The following ITPR2 variants were observed in gnomAD, a reference collection of about 807,000 sequenced individuals.
ITPR2 encodes inositol 1,4,5-trisphosphate receptor type 2.
ITPR2 carries 207 observed loss-of-function variants against 317.1 expected under a neutral mutation model. The ratio of observed to expected loss-of-function variants is 0.65; its 90% CI spans 0.58 to 0.73. The LOEUF (loss-of-function observed/expected upper bound fraction) is 0.73, where lower values mean the gene tolerates loss of function less well. Ranked by LOEUF, ITPR2 falls within the 30% of genes least tolerant of loss-of-function variation. The pLI is 0.00. For missense variants in ITPR2, 2,613 were observed against 3,284.0 expected (o/e 0.80, Z 4.99); for synonymous variants, 1,156 against 1,149.1 (o/e 1.01, Z -0.12).
At position 26,584,900 on chromosome 12, in the gene ITPR2, G is replaced by A. The variant is rs143901312; in HGVS notation, c.4381-4745C>T. 6.9e-4 allele frequency among the ~76,000 whole-genome samples: 105 copies of A among 152,236 alleles called. No homozygotes were observed. In the South Asian group the frequency reaches 7.7e-3, roughly 11 times the overall value. On this transcript the variant is annotated intron_variant, in intron 32 of 56. Coordinates refer to ENST00000381340, the MANE Select transcript of ITPR2 (RefSeq NM_002223.4). The stretch of plus-strand genomic sequence containing the variant: ...AAATGTTCCTCTAAATATCTGAGGT[G>A]ATATCTCATATTTATTTTAATTTGC...
chr12:26,749,491 C>T (rs1020722315), intron 2 of ITPR2, among the ~76,000 whole-genome samples: 1 of 152,062 alleles, frequency 6.6e-6, no homozygotes, highest in African/African-American at 2.4e-5. Flanking sequence ...ACCACCAGCT[C>T]CTGATTCTAA....
intron 49 of ITPR2, 77 bp from the exon 50 acceptor site, chr12:26,419,290 T>A: frequency 1.5e-6 from 2 of 1,294,994 alleles, no homozygotes; most frequent in Non-Finnish European, 2.1e-6. Context: ...CTATTCATAG[T>A]CCATGACTTT....
In ITPR2 at chr12:26,782,025, TATATATATGTATAGAGAGAGAGAG is replaced by T. The variant is rs1378740413; in HGVS notation, c.163+8108_163+8131del. 4.7e-3 allele frequency among the ~76,000 whole-genome samples: 128 copies of T among 27,370 alleles called. 2 individuals carry two copies. The highest frequency in any genetic ancestry group is 1.1e-3 in the Non-Finnish European group (14 of 13,032). The allele number at this position is 27,370 out of a possible 152,430, so 18.0% of individuals were successfully genotyped here. A position where few individuals can be genotyped will look rare whatever the true frequency, so the allele number is the denominator to read the frequency against. The stretch of plus-strand genomic sequence containing the variant: ...ATATATATATATATATATATATATA[TATATATATGTATAGAGAGAGAGAG>T]AGAGAGAGAGAGAGAGAGAGAGAGC... On this transcript the variant is annotated intron_variant, in intron 2 of 56. Transcript: ENST00000381340.
chr12:26,746,819 T>C (rs560362535), intron 2 of ITPR2, among the ~76,000 whole-genome samples: 2 of 107,880 alleles, frequency 1.9e-5, no homozygotes, highest in African/African-American at 5.6e-5. Flanking sequence ...CAGGGGTGCA[T>C]GCATGTGTGT....
intron 55 of ITPR2, among the ~76,000 whole-genome samples, chr12:26,359,363 G>A (rs1938749177): frequency 6.6e-6 from 1 of 152,168 alleles, no homozygotes; most frequent in Non-Finnish European, 1.5e-5. Context: ...ATCCAAATGA[G>A]AGGATGCTCA....
At chr12:26,681,374 G>A (rs1948026716) in intron 13 of ITPR2, among the ~76,000 whole-genome samples, 1 of 152,090 alleles carries the variant, frequency 6.6e-6, no homozygotes, top group Non-Finnish European at 1.5e-5. Flanking sequence ...AACCAGAGCT[G>A]AAGAATCAAG....
intron 47 of ITPR2, 51 bp from the exon 48 acceptor site, chr12:26,436,397 T>A (rs781301885): frequency 6.5e-7 from 1 of 1,540,620 alleles, no homozygotes; most frequent in East Asian, 2.4e-5. Context: ...CATTTTGGTT[T>A]CAACACATGA....
chr12:26,775,311 A>T (rs575359380), intron 2 of ITPR2, among the ~76,000 whole-genome samples: 9 of 149,802 alleles, frequency 6.0e-5, no homozygotes, highest in East Asian at 1.9e-4. Flanking sequence ...GTTAAGATTT[A>T]AAAAAAAAAG....
At chr12:26,768,456 TA>T (rs141419329) in intron 2 of ITPR2, among the ~76,000 whole-genome samples, 1 of 106,472 alleles carries the variant, frequency 9.4e-6, no homozygotes, top group South Asian at 3.0e-4. Flanking sequence ...AAATAAAAAA[TA>T]AAAAAATAAA....
chr12:26,667,652 C>G lies in ITPR2; in HGVS notation c.1410-1601G>C, dbSNP rs375505488. ...AAATTTGGAGCGGAGGTTACTTCAG[C>G]AAAATGAAAAAAAGTTGAACTTAAG... is the stretch of plus-strand genomic sequence containing the variant. On this transcript the variant is annotated intron_variant, in intron 13 of 56. Transcript: ENST00000381340. Among the ~76,000 whole-genome samples the G allele has an allele frequency of 8.5e-5, 13 of 152,200 alleles. 1 individual carries two copies. The highest frequency in any genetic ancestry group is 2.9e-4 in the African/African-American group (12 of 41,532).
Position 26,715,356 on chromosome 12 carries a change from C to G in ITPR2, c.798G>C (p.Thr266=). 2 of 1,613,548 alleles carry G rather than the reference C, an allele frequency of 1.2e-6. No individual in the cohort carries two copies. Among genetic ancestry groups the G allele is most frequent in the Non-Finnish European group, 1.7e-6 (2 of 1,179,692 alleles). Residue 266 remains threonine (T), a synonymous_variant, in exon 8 of 57, where the codon ACG becomes ACC. Transcript: ENST00000381340. The part of the protein sequence containing the change: ...YEKKQHIFLR[T]TLRQSATSAT... ...CAGAAGTAGCTGATTGGCGCAAGGT[C>G]GTACGAAGGAAAATGTGCTGTTTTT... is the stretch of plus-strand genomic sequence containing the variant.
chr12:26,541,623 G>A (rs1034972651), intron 37 of ITPR2, among the ~76,000 whole-genome samples: 1 of 152,144 alleles, frequency 6.6e-6, no homozygotes, highest in Non-Finnish European at 1.5e-5. Context: ...AAACTGAAAT[G>A]AGTATATGCA....
At chr12:26,484,010 C>T (rs375748108) in intron 41 of ITPR2, 112 bp from the exon 42 acceptor site, 142 of 916,108 alleles carry the variant, frequency 1.6e-4, no homozygotes, top group South Asian at 1.5e-3. Flanking sequence ...GAAAAGTATT[C>T]GCATTTATTA....
At chr12:26,620,476 T>A (rs1265092294) in intron 26 of ITPR2, among the ~76,000 whole-genome samples, 7 of 152,236 alleles carry the variant, frequency 4.6e-5, no homozygotes, top group Non-Finnish European at 1.0e-4. Context: ...ACAAAACTTT[T>A]TGTATTAACA....
chr12:26,655,751 G>A lies in ITPR2; in HGVS notation c.2546C>T (p.Pro849Leu). The change falls in exon 20 of 57, where the codon CCC becomes CTC. Residue 849 changes from proline to leucine, a missense_variant. Around this residue, in one of 9 missense-constraint regions of ITPR2, gnomAD observed 817 missense variants for 897.6 expected, o/e 0.91. Coordinates refer to ENST00000381340, the MANE Select transcript of ITPR2 (RefSeq NM_002223.4). Reference protein sequence around the residue: ...EEYLKEVVNQPFPFGDKEKNK... With the variant: ...EEYLKEVVNQLFPFGDKEKNK... ...TTTTTCTTTATCCCCAAAAGGAAAG[G>A]GCTGGTTTACAACTTCTTTCAAATA... The A allele has an allele frequency of 6.2e-7, 1 of 1,613,128 alleles. No homozygotes were observed. The highest frequency in any genetic ancestry group is 2.2e-5 in the East Asian group (1 of 44,838).
intron 1 of ITPR2, among the ~76,000 whole-genome samples, chr12:26,824,451 A>G (rs143251513): frequency 3.4e-3 from 514 of 152,344 alleles, no homozygotes; most frequent in African/African-American, 0.011. Context: ...ACCTTAAAAT[A>G]TCAATAATAA....
At chr12:26,706,013 T>C (rs1948543563) in intron 9 of ITPR2, among the ~76,000 whole-genome samples, 1 of 152,160 alleles carries the variant, frequency 6.6e-6, no homozygotes, top group African/African-American at 2.4e-5. Flanking sequence ...AGAAAGAAAA[T>C]GTAGAAAGCA....
rs116304646 is a variant in ITPR2, at chr12:26,366,708, A to G, written c.7857+20726T>C. Among the ~76,000 whole-genome samples the G allele has an allele frequency of 2.4e-3, 361 of 152,328 alleles. 1 individual carries two copies. Among genetic ancestry groups the G allele is most frequent in the African/African-American group, 8.3e-3 (347 of 41,586 alleles). On this transcript the variant is annotated intron_variant, in intron 55 of 56. Transcript: ENST00000381340. ...AAATGTTCCCTTTTGAGAAACAGCA[A>G]TAAAAGCAACCTGTAGAGCAGTCAC... is the stretch of plus-strand genomic sequence containing the variant.
chr12:26,605,772 C>T (rs1946116047), intron 26 of ITPR2, among the ~76,000 whole-genome samples: 2 of 152,120 alleles, frequency 1.3e-5, no homozygotes, highest in African/African-American at 2.4e-5. Flanking sequence ...TTTAAAATTG[C>T]TAGCAGTCAA....
Sources: gnomAD v4.1 joint callset for allele counts (sites outside exome capture counted in the v4.1 genomes callset) on GRCh38, gnomAD v4.1.1 for gene constraint, gnomAD v4.1.1 regional missense constraint, MANE v1.5 for transcripts, NCBI Gene and HGNC (gene_info 2026-07-23, HGNC 2026-07-21) for gene names.